SPMAP2: variants seen among roughly 807,000 people sequenced by gnomAD.
The protein encoded by SPMAP2 is sperm microtubule associated protein 2.
chr19:369,430 C>T, the SPMAP2 span, among the ~76,000 whole-genome samples: 6 of 150,878 alleles, frequency 4.0e-5, no homozygotes, highest in Non-Finnish European at 7.4e-5. Flanking sequence ...GAGGCCACGA[C>T]GGGGCACACC....
chr19:367,602 C>G, the SPMAP2 span, among the ~76,000 whole-genome samples: 1 of 152,218 alleles, frequency 6.6e-6, no homozygotes, highest in African/African-American at 2.4e-5. Flanking sequence ...GTGAGAGGCT[C>G]TCATGCATGA....
chr19:367,563 A>G, the SPMAP2 span, among the ~76,000 whole-genome samples: 1 of 152,246 alleles, frequency 6.6e-6, no homozygotes, highest in Non-Finnish European at 1.5e-5. Flanking sequence ...TTTGGCAACA[A>G]TGAAAAAGTC....
At chr19:368,726 A>G in the SPMAP2 span, among the ~76,000 whole-genome samples, 2,182 of 152,316 alleles carry the variant, frequency 0.014, 54 homozygotes, top group African/African-American at 0.049. This position sits in a 1 kb window ranked among gnomAD's most constrained non-coding sequence, Gnocchi z 4.1. Context: ...TAAAAATCAC[A>G]GACACATCTC....
chr19:362,452 G>A, the SPMAP2 span: 1 of 1,546,030 alleles, frequency 6.5e-7, no homozygotes, highest in South Asian at 1.2e-5. Context: ...GAGAAGGACA[G>A]CACTGAAGCT....
At chr19:374,659 T>C in the SPMAP2 span, 4 of 552,590 alleles carry the variant, frequency 7.2e-6, no homozygotes, top group African/African-American at 7.5e-5. Flanking sequence ...TCTCCCCTGG[T>C]CCTCAGCTTC....
chr19:362,102 GC>G, the SPMAP2 span: 1 of 842,724 alleles, frequency 1.2e-6, no homozygotes, highest in East Asian at 2.9e-5. Flanking sequence ...CCTTCTTTTG[GC>G]CTTCTAGCCC....
At chr19:372,207 ATAAC>A in the SPMAP2 span, among the ~76,000 whole-genome samples, 6 of 152,372 alleles carry the variant, frequency 3.9e-5, no homozygotes, top group African/African-American at 1.4e-4. Context: ...TTGTGTCTAA[ATAAC>A]TAAAGATCAC....
the SPMAP2 span, among the ~76,000 whole-genome samples, chr19:366,820 A>G: frequency 1.2e-4 from 18 of 152,282 alleles, no homozygotes; most frequent in African/African-American, 4.3e-4. Context: ...TTAAAGCTGC[A>G]TTTGTTCCTT....
At chr19:365,642 CCA>C in the SPMAP2 span, among the ~76,000 whole-genome samples, 2 of 141,096 alleles carry the variant, frequency 1.4e-5, no homozygotes, top group African/African-American at 5.5e-5. Flanking sequence ...GCACACACAG[CCA>C]CACACTCGCT....
chr19:375,576 C>T, the SPMAP2 span: 20 of 1,366,122 alleles, frequency 1.5e-5, no homozygotes, highest in South Asian at 4.7e-5. Flanking sequence ...CCCTTTCGCC[C>T]GCCCAGGGGG....
the SPMAP2 span, chr19:373,910 G>A: frequency 6.2e-7 from 1 of 1,604,948 alleles, no homozygotes; most frequent in Non-Finnish European, 8.5e-7. Flanking sequence ...CCCCAGCATA[G>A]GCACACGGCG....
At chr19:367,303 G>A in the SPMAP2 span, 3 of 1,373,932 alleles carry the variant, frequency 2.2e-6, no homozygotes, top group Non-Finnish European at 2.9e-6. Context: ...AGGACCCCAG[G>A]AGCAACACTG....
the SPMAP2 span, chr19:362,204 A>G: frequency 6.7e-7 from 1 of 1,494,494 alleles, no homozygotes; most frequent in South Asian, 1.4e-5. Context: ...GAGGTCTTAG[A>G]GGCCAGGCCT....
the SPMAP2 span, among the ~76,000 whole-genome samples, chr19:367,947 C>G: frequency 1.6e-4 from 25 of 152,150 alleles, no homozygotes; most frequent in African/African-American, 5.1e-4. Flanking sequence ...TTTATGGTCA[C>G]GAACACCACG....
chr19:375,941 C>G, the SPMAP2 span: 1 of 1,446,570 alleles, frequency 6.9e-7, no homozygotes, highest in South Asian at 1.5e-5. Flanking sequence ...TGGGCTGGTT[C>G]CCGAGTGACC....
chr19:370,394 G>T, the SPMAP2 span, among the ~76,000 whole-genome samples: 3,697 of 151,682 alleles, frequency 0.024, 136 homozygotes, highest in African/African-American at 0.084. Flanking sequence ...CAGGCTGGAG[G>T]GCAGTGGCGC....
chr19:374,389 G>A, the SPMAP2 span: 6 of 1,614,120 alleles, frequency 3.7e-6, no homozygotes, highest in Non-Finnish European at 4.2e-6. Flanking sequence ...GGTCATGGTG[G>A]TGCTGGGGAG....
the SPMAP2 span, chr19:374,231 G>A: frequency 1.5e-5 from 24 of 1,590,614 alleles, no homozygotes; most frequent in East Asian, 2.2e-5. Context: ...GACAGGAGGA[G>A]CCCGGGAAGG....
At chr19:374,837 G>A in the SPMAP2 span, among the ~76,000 whole-genome samples, 4 of 152,264 alleles carry the variant, frequency 2.6e-5, no homozygotes, top group Non-Finnish European at 5.9e-5. Context: ...CTCCCAGAAA[G>A]CTCACAGACT....
Sources: gnomAD v4.1 joint callset for allele counts (sites outside exome capture counted in the v4.1 genomes callset) on GRCh38, gnomAD v4.1.1 for gene constraint, Gnocchi (gnomAD v3.1) non-coding constraint, MANE v1.5 for transcripts, NCBI Gene and HGNC (gene_info 2026-07-23, HGNC 2026-07-21) for gene names.